Variants in CYP2J2 observed in about 807,000 individuals in gnomAD.
The protein encoded by CYP2J2 is cytochrome P450 family 2 subfamily J member 2.
In CYP2J2, 41 loss-of-function variants were observed where a neutral mutation model predicts 48.8. That is an observed-to-expected ratio of 0.84 (90% CI 0.66 to 1.09). The LOEUF (loss-of-function observed/expected upper bound fraction) is 1.09, where lower values mean the gene tolerates loss of function less well. Among genes scored for constraint, CYP2J2 ranks in the 50% least tolerant of loss-of-function variants. The pLI is 0.00. For missense variants in CYP2J2, 644 were observed against 617.3 expected, an observed-to-expected ratio of 1.04 and a Z score of -0.46; for synonymous variants, 221 against 227.1, an observed-to-expected ratio of 0.97 and a Z score of 0.24.
chr1:59,902,956 C>T (rs1234974571), intron 7 of CYP2J2, among the ~76,000 whole-genome samples: 1 of 152,158 alleles, frequency 6.6e-6, no homozygotes, highest in Non-Finnish European at 1.5e-5. Flanking sequence ...CTGTGTAACA[C>T]ACAATTATTT....
chr1:59,907,893 T>C lies in CYP2J2; in HGVS notation c.896A>G (p.Glu299Gly). 6.2e-7 allele frequency: 1 copy of C among 1,614,114 alleles called. No individual in the cohort carries two copies. The highest frequency in any genetic ancestry group is 1.1e-5 in the South Asian group (1 of 91,086). The change falls in exon 6 of 9, where the codon GAA (glutamate) becomes GGA (glycine). Residue 299 changes from glutamate to glycine, a missense_variant. Coordinates refer to ENST00000371204, the MANE Select transcript of CYP2J2 (RefSeq NM_000775.4). ...TGNPTSSFHE[E>G]NLICSTLDLF... The stretch of plus-strand genomic sequence containing the variant: ...GTCCAGGGTGCTGCAGATGAGGTTT[T>C]CTTCATGGAAACTTGAAGTAGGATT...
At chr1:59,897,971 C>T (rs557165874) in intron 8 of CYP2J2, among the ~76,000 whole-genome samples, 6 of 152,316 alleles carry the variant, frequency 3.9e-5, no homozygotes, top group African/African-American at 1.4e-4. Flanking sequence ...CCTTTGGATT[C>T]TTCAGATTTC....
the CYP2J2 span, among the ~76,000 whole-genome samples, chr1:59,936,005 T>C: frequency 6.6e-6 from 1 of 152,166 alleles, no homozygotes; most frequent in Non-Finnish European, 1.5e-5. Context: ...TGACCTCAGG[T>C]GATCCACCTG....
intron 7 of CYP2J2, among the ~76,000 whole-genome samples, chr1:59,904,670 G>T (rs112986295): frequency 6.6e-6 from 1 of 152,032 alleles, no homozygotes; most frequent in South Asian, 2.1e-4. Flanking sequence ...CATATTTAAC[G>T]TAGGAATCCT....
At chr1:59,915,814 G>T (rs981414428) in intron 2 of CYP2J2, 124 bp downstream of exon 2, 4 of 849,058 alleles carry the variant, frequency 4.7e-6, no homozygotes, top group Non-Finnish European at 7.1e-6. Flanking sequence ...TTCTTTAGTG[G>T]CAGGAAGTTT....
rs1644457797 is a variant in CYP2J2 at position 59,915,634 on chromosome 1, C to T, written c.373+304G>A. On this transcript the variant is annotated intron_variant, in intron 2 of 8. Coordinates refer to ENST00000371204, the MANE Select transcript of CYP2J2 (RefSeq NM_000775.4). ...AGGAGAGAGGGTTGGAAGAGGAAAA[C>T]AGAGAGAACACGTTCCTCTGCTATA... is the stretch of plus-strand genomic sequence containing the variant. 2.6e-5 allele frequency among the ~76,000 whole-genome samples: 4 copies of T among 152,242 alleles called. No homozygotes were observed. In the South Asian group the frequency reaches 8.3e-4, roughly 32 times the overall value.
intron 1 of CYP2J2, 82 bp downstream of exon 1, chr1:59,926,455 C>A: frequency 8.3e-7 from 1 of 1,211,354 alleles, no homozygotes; most frequent in Non-Finnish European, 1.2e-6. Flanking sequence ...ATCCCCCACC[C>A]CACCCACGTT....
At chr1:59,940,966 C>A in the CYP2J2 span, among the ~76,000 whole-genome samples, 1 of 152,050 alleles carries the variant, frequency 6.6e-6, no homozygotes, top group Middle Eastern at 3.2e-3. Context: ...ATGATAGTTA[C>A]CAGAGTCTTG....
chr1:59,912,390 C>A, intron 2 of CYP2J2, 79 bp from the exon 3 acceptor site: 1 of 1,459,848 alleles, frequency 6.9e-7, no homozygotes, highest in South Asian at 1.3e-5. Flanking sequence ...GAATGTGTAT[C>A]AGATGAAGGA....
intron 4 of CYP2J2, 110 bp downstream of exon 4, chr1:59,911,498 G>T: frequency 1.4e-6 from 1 of 709,254 alleles, no homozygotes; most frequent in Non-Finnish European, 2.3e-6. Flanking sequence ...AGTTTTGAAA[G>T]GTTATATTTT....
At chr1:59,934,258 A>G in the CYP2J2 span, among the ~76,000 whole-genome samples, 1 of 152,190 alleles carries the variant, frequency 6.6e-6, no homozygotes, top group Non-Finnish European at 1.5e-5. Flanking sequence ...AAACCTAAAC[A>G]TATGACGTGA....
chr1:59,928,187 C>T (rs974971836), upstream of CYP2J2, among the ~76,000 whole-genome samples: 5 of 152,042 alleles, frequency 3.3e-5, no homozygotes, highest in Admixed American at 2.6e-4. Flanking sequence ...ATCTCTCCTT[C>T]CTTTTTATTT....
chr1:59,947,995 TCTC>T, the CYP2J2 span, among the ~76,000 whole-genome samples: 1 of 152,150 alleles, frequency 6.6e-6, no homozygotes, highest in East Asian at 1.9e-4. Context: ...CGGTTTTGCA[TCTC>T]CCAGACCCCT....
the CYP2J2 span, among the ~76,000 whole-genome samples, chr1:59,935,107 A>C: frequency 6.8e-6 from 1 of 146,762 alleles, no homozygotes; most frequent in Non-Finnish European, 1.5e-5. Flanking sequence ...CATTTTCAAC[A>C]ACATGGACGA....
At chr1:59,912,094 C>G (rs1014894368) in intron 3 of CYP2J2, 68 bp downstream of exon 3, 2 of 1,468,590 alleles carry the variant, frequency 1.4e-6, no homozygotes, top group African/African-American at 2.8e-5. Context: ...CACTTACTCA[C>G]TTAGTAAGTA....
the CYP2J2 span, among the ~76,000 whole-genome samples, chr1:59,955,806 CT>C: frequency 6.6e-6 from 1 of 151,906 alleles, no homozygotes; most frequent in Admixed American, 6.6e-5. Flanking sequence ...AATGTCATTG[CT>C]TTAAAAGAAA....
the CYP2J2 span, among the ~76,000 whole-genome samples, chr1:59,939,496 C>A: frequency 1.3e-5 from 2 of 152,188 alleles, no homozygotes; most frequent in East Asian, 3.9e-4. Flanking sequence ...CAAAAACACC[C>A]CTGTGGCCGC....
chr1:59,913,685 ATTTCCCTACT>A lies in CYP2J2; in HGVS notation c.374-1384_374-1375del, dbSNP rs558032950. ...TACTATCTTGGACTAACCTACTGTTATTTCCCTACTGCTATTGGACCTTCCTAGCCTGAGC... is the reference window on the plus strand; with the variant it reads ...TACTATCTTGGACTAACCTACTGTTAGCTATTGGACCTTCCTAGCCTGAGC... On this transcript the variant is annotated intron_variant, in intron 2 of 8. Transcript: ENST00000371204. 2.0e-3 allele frequency among the ~76,000 whole-genome samples: 306 copies of A among 152,268 alleles called. 3 individuals are homozygous for A. Among genetic ancestry groups the A allele is most frequent in the East Asian group, 0.012 (64 of 5,192 alleles).
chr1:59,911,588 T>C lies in CYP2J2; in HGVS notation c.684+20A>G. ...GGCCCCAATTTACTGAACAAAGATA[T>C]GGAGAGACAGCTGCCTTACCTGGCA... On this transcript the variant is annotated intron_variant, in intron 4 of 8. Coordinates refer to ENST00000371204, the MANE Select transcript of CYP2J2 (RefSeq NM_000775.4). 6.3e-7 allele frequency: 1 copy of C among 1,578,486 alleles called. No individual in the cohort carries two copies. The highest frequency in any genetic ancestry group is 8.6e-7 in the Non-Finnish European group (1 of 1,160,128).
Sources: gnomAD v4.1 joint callset for allele counts (sites outside exome capture counted in the v4.1 genomes callset) on GRCh38, gnomAD v4.1.1 for gene constraint, MANE v1.5 for transcripts, NCBI Gene and HGNC (gene_info 2026-07-23, HGNC 2026-07-21) for gene names.